ITCH: variants seen among roughly 807,000 people sequenced by gnomAD.
ITCH encodes the protein itchy E3 ubiquitin protein ligase.
In ITCH, 28 loss-of-function variants were observed where a neutral mutation model predicts 126.8. That is an observed-to-expected ratio of 0.22 (90% CI 0.16 to 0.30). The LOEUF (loss-of-function observed/expected upper bound fraction) is 0.30, where lower values mean the gene tolerates loss of function less well. ITCH is among the 10% of genes least tolerant of loss of function. The pLI, the probability that ITCH is intolerant of heterozygous loss-of-function variation, is 1.00. For synonymous variants in ITCH, 342 were observed against 340.0 expected, an observed-to-expected ratio of 1.01 and a Z score of -0.06; for missense variants, 631 against 1,032.4, an observed-to-expected ratio of 0.61 and a Z score of 5.33.
intron 2 of ITCH, among the ~76,000 whole-genome samples, chr20:34,372,059 C>A (rs2037651998): frequency 6.6e-6 from 1 of 151,972 alleles, no homozygotes; most frequent in Non-Finnish European, 1.5e-5. Context: ...GTAATCCTAG[C>A]ACTTTGGGAG....
At chr20:34,451,645 C>A (rs1370495329) in intron 12 of ITCH, among the ~76,000 whole-genome samples, 1 of 152,124 alleles carries the variant, frequency 6.6e-6, no homozygotes, top group Non-Finnish European at 1.5e-5. Context: ...ATTGCATTCC[C>A]AGACATGGAT....
chr20:34,396,181 G>A (rs148463034), intron 3 of ITCH, among the ~76,000 whole-genome samples: 266 of 151,788 alleles, frequency 1.8e-3, no homozygotes, highest in African/African-American at 5.9e-3. Flanking sequence ...CTACCGGCAC[G>A]CACAACCATG....
At chr20:34,402,880 A>G (rs2038935077) in intron 3 of ITCH, among the ~76,000 whole-genome samples, 1 of 152,228 alleles carries the variant, frequency 6.6e-6, no homozygotes, top group African/African-American at 2.4e-5. Context: ...ACTCCAAATT[A>G]AGAAAGAGAT....
intron 3 of ITCH, among the ~76,000 whole-genome samples, chr20:34,403,408 G>A (rs1268656903): frequency 1.3e-5 from 2 of 152,176 alleles, no homozygotes; most frequent in African/African-American, 4.8e-5. Flanking sequence ...ATGTGTGAGA[G>A]AGAGAGAGCA....
intron 9 of ITCH, 165 bp from the exon 10 acceptor site, chr20:34,442,043 C>T: frequency 1.5e-6 from 1 of 663,812 alleles, no homozygotes; most frequent in East Asian, 2.8e-5. Flanking sequence ...CTGAAGATTA[C>T]ATTTCTTCAC....
intron 16 of ITCH, among the ~76,000 whole-genome samples, chr20:34,474,542 A>G (rs1312658232): frequency 1.3e-5 from 2 of 152,236 alleles, no homozygotes; most frequent in African/African-American, 4.8e-5. Flanking sequence ...GAACAAAATG[A>G]AAAGTCTCCC....
At chr20:34,400,087 C>T (rs892534701) in intron 3 of ITCH, among the ~76,000 whole-genome samples, 1 of 151,920 alleles carries the variant, frequency 6.6e-6, no homozygotes. Flanking sequence ...TACAGACATG[C>T]GCCACCAAGC....
intron 6 of ITCH, among the ~76,000 whole-genome samples, chr20:34,414,346 C>A (rs1014100212): frequency 6.6e-6 from 1 of 151,276 alleles, no homozygotes; most frequent in Non-Finnish European, 1.5e-5. Flanking sequence ...TTCTGTAGGC[C>A]AACTATGGCA....
intron 2 of ITCH, among the ~76,000 whole-genome samples, chr20:34,386,464 G>A (rs1156597405): frequency 6.6e-6 from 1 of 152,264 alleles, no homozygotes; most frequent in Non-Finnish European, 1.5e-5. Context: ...ACATGCTTCT[G>A]TATTTTATAG....
At chr20:34,496,414 A>G (rs541704045) in intron 23 of ITCH, among the ~76,000 whole-genome samples, 1 of 151,958 alleles carries the variant, frequency 6.6e-6, no homozygotes. Context: ...CACTGTGTTG[A>G]TTGTTTCCTT....
intron 2 of ITCH, among the ~76,000 whole-genome samples, chr20:34,383,523 C>T (rs936194053): frequency 1.1e-4 from 16 of 151,714 alleles, no homozygotes; most frequent in African/African-American, 2.2e-4. Context: ...TGCGCCACCA[C>T]GCCCAGCTAA....
At chr20:34,365,725 C>A (rs1382223022) in intron 1 of ITCH, among the ~76,000 whole-genome samples, 3 of 152,158 alleles carry the variant, frequency 2.0e-5, no homozygotes, top group Non-Finnish European at 1.5e-5. Flanking sequence ...CTAAAAAATA[C>A]ATCTTTTCAC....
At chr20:34,372,368 G>T (rs1601738055) in intron 2 of ITCH, among the ~76,000 whole-genome samples, 4 of 118,024 alleles carry the variant, frequency 3.4e-5, no homozygotes, top group Admixed American at 9.8e-5. Context: ...GAGAAACCAT[G>T]TTATTTTAAG....
chr20:34,457,565 C>A, intron 13 of ITCH, 91 bp downstream of exon 13: 1 of 904,438 alleles, frequency 1.1e-6, no homozygotes, highest in Non-Finnish European at 1.8e-6. Flanking sequence ...ATTCTTTTGC[C>A]AAAGACCTAA....
intron 3 of ITCH, among the ~76,000 whole-genome samples, chr20:34,396,427 T>C (rs986137580): frequency 1.3e-5 from 2 of 152,262 alleles, no homozygotes; most frequent in Admixed American, 6.5e-5. Flanking sequence ...TGATTATCTT[T>C]TTTATGATAG....
intron 1 of ITCH, among the ~76,000 whole-genome samples, chr20:34,364,889 TC>T (rs2037356739): frequency 2.1e-5 from 1 of 48,682 alleles, no homozygotes; most frequent in Admixed American, 2.5e-4. Flanking sequence ...AGACTCCGCC[TC>T]AAAAAAAAAA....
intron 4 of ITCH, among the ~76,000 whole-genome samples, chr20:34,410,610 AG>A (rs945635359): frequency 1.3e-5 from 2 of 152,164 alleles, no homozygotes; most frequent in African/African-American, 2.4e-5. Context: ...TGGGAGGATA[AG>A]GGGGGAGGAT....
chr20:34,400,966 C>G (rs1169565532), intron 3 of ITCH, among the ~76,000 whole-genome samples: 1 of 152,098 alleles, frequency 6.6e-6, no homozygotes, highest in Non-Finnish European at 1.5e-5. Context: ...ACCATGTTGT[C>G]CAGGCTGGTC....
chr20:34,491,731 G>T (rs1239268428), intron 22 of ITCH, among the ~76,000 whole-genome samples: 1 of 152,172 alleles, frequency 6.6e-6, no homozygotes, highest in Non-Finnish European at 1.5e-5. Context: ...AGGCAAAACA[G>T]TTATACTACA....
Sources: gnomAD v4.1 joint callset for allele counts (sites outside exome capture counted in the v4.1 genomes callset) on GRCh38, gnomAD v4.1.1 for gene constraint, MANE v1.5 for transcripts, NCBI Gene and HGNC (gene_info 2026-07-23, HGNC 2026-07-21) for gene names.